BRIP1: variants seen among roughly 807,000 people sequenced by gnomAD.
BRIP1 encodes the protein BRCA1 interacting DNA helicase 1.
Under a neutral mutation model 119.7 loss-of-function variants are expected in BRIP1, and 88 were observed. The ratio of observed to expected loss-of-function variants is 0.74; its 90% CI spans 0.62 to 0.88. The LOEUF is 0.88. Among genes scored for constraint, BRIP1 ranks in the 40% least tolerant of loss-of-function variants. The pLI, the probability that BRIP1 is intolerant of heterozygous loss-of-function variation, is 0.00. For synonymous variants in BRIP1, 443 were observed against 496.5 expected, an observed-to-expected ratio of 0.89 and a Z score of 1.43; for missense variants, 1,259 against 1,455.4, an observed-to-expected ratio of 0.87 and a Z score of 2.20.
rs1448035909 is a variant in BRIP1, at chr17:61,816,880, A to G, written c.628-8123T>C. The stretch of plus-strand genomic sequence containing the variant: ...AAATGATAGAATTTTAAAAATCACC[A>G]TTTTGCAACTTTCCTGTACTAACTG... On this transcript the variant is annotated intron_variant, in intron 6 of 19. Transcript: ENST00000259008. This position sits in a 1 kb window ranked among gnomAD's most constrained non-coding sequence, Gnocchi z 5.0. 6.6e-6 allele frequency among the ~76,000 whole-genome samples: 1 copy of G among 152,212 alleles called. No individual in the cohort carries two copies. Among genetic ancestry groups the G allele is most frequent in the Non-Finnish European group, 1.5e-5 (1 of 68,034 alleles).
chr17:61,723,577 T>C (rs1026230833), intron 16 of BRIP1, among the ~76,000 whole-genome samples: 1 of 152,230 alleles, frequency 6.6e-6, no homozygotes, highest in Non-Finnish European at 1.5e-5. Flanking sequence ...TAACTGTGAA[T>C]GTTTTTTCTA....
rs1341366393 is a variant in BRIP1, at chr17:61,759,969, C to T, written c.2098-15378G>A. On this transcript the variant is annotated intron_variant, in intron 14 of 19. Transcript: ENST00000259008. The surrounding 1 kb of genome is among the most constrained non-coding windows in gnomAD (Gnocchi z 4.9). ...TAAGGTATTCCTGTACAGAATATCC[C>T]ATTCAAGAGCAACAGAATACACATT... 6.6e-6 allele frequency among the ~76,000 whole-genome samples: 1 copy of T among 151,536 alleles called. No individual in the cohort carries two copies. Among genetic ancestry groups the T allele is most frequent in the African/African-American group, 2.4e-5 (1 of 41,294 alleles).
chr17:61,735,868 G>T lies in BRIP1; in HGVS notation c.2379+7145C>A, dbSNP rs183689472. Among the ~76,000 whole-genome samples, 570 of 152,132 alleles carry T rather than the reference G, an allele frequency of 3.7e-3. 3 individuals carry two copies. The highest frequency in any genetic ancestry group is 0.014 in the Middle Eastern group (4 of 294). Reference sequence around the variant, plus strand: ...GAACCTCAGTCCTACAACCACAAACGGACCCCAAGTGCCAGATAACAACAC... The same window carrying T: ...GAACCTCAGTCCTACAACCACAAACTGACCCCAAGTGCCAGATAACAACAC... On this transcript the variant is annotated intron_variant, in intron 16 of 19. Transcript: ENST00000259008. This position sits in a 1 kb window ranked among gnomAD's most constrained non-coding sequence, Gnocchi z 4.4.
At position 61,693,501 on chromosome 17, in the gene BRIP1, T is replaced by G; in HGVS notation, c.2504A>C (p.His835Pro). 6.2e-7 allele frequency: 1 copy of G among 1,612,486 alleles called. No homozygotes were observed. Among genetic ancestry groups the G allele is most frequent in the South Asian group, 1.1e-5 (1 of 91,042 alleles). The change falls in exon 18 of 20, where the codon CAC (histidine) becomes CCC (proline). Residue 835 changes from histidine to proline, a missense_variant. Physicochemically the swap from His to Pro is moderately conservative, Grantham distance 77. Coordinates refer to ENST00000259008, the MANE Select transcript of BRIP1 (RefSeq NM_032043.3). The surrounding 1 kb of genome is among the most constrained non-coding windows in gnomAD (Gnocchi z 4.2). ...AATAAGAGCTCCCCAATCATTTCTG[T>G]GTCTAATACATCTAGAAAAAATAGG... ...LNQALGRCIR[H>P]RNDWGALILV...
At chr17:61,821,838 G>A (rs12601269) in intron 6 of BRIP1, among the ~76,000 whole-genome samples, 21,440 of 151,998 alleles carry the variant, frequency 0.14, 2,079 homozygotes, top group East Asian at 0.57. Flanking sequence ...TGATCCTTCC[G>A]TCTCAGCCTC....
In BRIP1 at chr17:61,843,012, G is replaced by A. The variant is rs944148895; in HGVS notation, c.627+4089C>T. Among the ~76,000 whole-genome samples, 4 of 152,194 alleles carry A rather than the reference G, an allele frequency of 2.6e-5. No individual in the cohort carries two copies. On this transcript the variant is annotated intron_variant, in intron 6 of 19. Coordinates refer to ENST00000259008, the MANE Select transcript of BRIP1 (RefSeq NM_032043.3). This position sits in a 1 kb window ranked among gnomAD's most constrained non-coding sequence, Gnocchi z 5.7. ...AATAAAGAAAATGTGGTGTGTATGT[G>A]TATGTCAATGGAATATTAGCCCTAA...
rs1603295339 is a variant in BRIP1 at position 61,720,738 on chromosome 17, G to C, written c.2380-4675C>G. On this transcript the variant is annotated intron_variant, in intron 16 of 19. Transcript: ENST00000259008. The surrounding 1 kb of genome is among the most constrained non-coding windows in gnomAD (Gnocchi z 4.3). ...TCTAATCGAGTGTCATGGTATTGCA[G>C]TGCTTAGGTTCAAGTGACCTCTATT... 6.6e-6 allele frequency among the ~76,000 whole-genome samples: 1 copy of C among 152,156 alleles called. No homozygotes were observed. Among genetic ancestry groups the C allele is most frequent in the East Asian group, 1.9e-4 (1 of 5,196 alleles).
chr17:61,711,076 A>T (rs1458607310), intron 17 of BRIP1, among the ~76,000 whole-genome samples: 1 of 151,970 alleles, frequency 6.6e-6, no homozygotes, highest in East Asian at 1.9e-4. Flanking sequence ...CAAACAAACA[A>T]ACAAAAACAA....
At chr17:61,718,833 G>A (rs1033993110) in intron 16 of BRIP1, among the ~76,000 whole-genome samples, 1 of 152,176 alleles carries the variant, frequency 6.6e-6, no homozygotes, top group African/African-American at 2.4e-5. Flanking sequence ...ATCCATGGAT[G>A]CTCAAGTACT....
rs534276943 is a variant in BRIP1, at chr17:61,774,029, G to A, written c.2097+2372C>T. ...CAACCATTGTGGAAGACAGTGTGGC[G>A]ATTCCTCAAGGATCTAAAACTAGAA... On this transcript the variant is annotated intron_variant, in intron 14 of 19. Coordinates refer to ENST00000259008, the MANE Select transcript of BRIP1 (RefSeq NM_032043.3). The surrounding 1 kb of genome is among the most constrained non-coding windows in gnomAD (Gnocchi z 5.8). Among the ~76,000 whole-genome samples, 93 of 152,068 alleles carry A rather than the reference G, an allele frequency of 6.1e-4. No individual in the cohort carries two copies. The highest frequency in any genetic ancestry group is 1.9e-3 in the Admixed American group (29 of 15,262).
intron 16 of BRIP1, 132 bp from the exon 17 acceptor site, chr17:61,716,195 T>A (rs1291575375): frequency 1.7e-6 from 1 of 599,430 alleles, no homozygotes; most frequent in Admixed American, 3.3e-5. Flanking sequence ...CAGTACTGAT[T>A]TTTTTCGTTT....
chr17:61,830,748 G>T (rs1270449747), intron 6 of BRIP1, among the ~76,000 whole-genome samples: 4 of 152,156 alleles, frequency 2.6e-5, no homozygotes, highest in Non-Finnish European at 5.9e-5. Context: ...TAAGGAAGAA[G>T]TAATATCAAT....
rs753544996 is a variant in BRIP1 at position 61,808,789 on chromosome 17, T to C, written c.628-32A>G. The C allele has an allele frequency of 5.6e-6, 9 of 1,597,832 alleles. No homozygotes were observed. Among genetic ancestry groups the C allele is most frequent in the Admixed American group, 3.3e-5 (2 of 59,910 alleles). ...GAAAGGAAAGAAACGATAACTAATA[T>C]CTAAACTACCATAAAAAACGTTATC... On this transcript the variant is annotated intron_variant, in intron 6 of 19. Coordinates refer to ENST00000259008, the MANE Select transcript of BRIP1 (RefSeq NM_032043.3). The surrounding 1 kb of genome is among the most constrained non-coding windows in gnomAD (Gnocchi z 4.1).
intron 16 of BRIP1, among the ~76,000 whole-genome samples, chr17:61,737,582 T>C (rs951106264): frequency 1.3e-5 from 2 of 152,218 alleles, no homozygotes. Context: ...TTATATTCCA[T>C]AGAGGCATAC....
rs1013390387 is a variant in BRIP1, at chr17:61,775,244, A to T, written c.2097+1157T>A. ...TGTTTTCCATTAAGAATTTTAAAAA[A>T]TGTTTATGTCCGTTTTATTTTTAGA... On this transcript the variant is annotated intron_variant, in intron 14 of 19. Transcript: ENST00000259008. The surrounding 1 kb of genome is among the most constrained non-coding windows in gnomAD (Gnocchi z 4.4). Among the ~76,000 whole-genome samples, 1 of 152,218 alleles carries T rather than the reference A, an allele frequency of 6.6e-6. No individual in the cohort carries two copies. The highest frequency in any genetic ancestry group is 1.5e-5 in the Non-Finnish European group (1 of 68,022).
In BRIP1 at chr17:61,724,772, T is replaced by C. The variant is rs1340750867; in HGVS notation, c.2380-8709A>G. On this transcript the variant is annotated intron_variant, in intron 16 of 19. Coordinates refer to ENST00000259008, the MANE Select transcript of BRIP1 (RefSeq NM_032043.3). The surrounding 1 kb of genome is among the most constrained non-coding windows in gnomAD (Gnocchi z 5.1). ...AGGACAAATAATCAGCTAAACTACATAATTATAAAAATATTAAGAAAACTC... is the reference window on the plus strand; with the variant it reads ...AGGACAAATAATCAGCTAAACTACACAATTATAAAAATATTAAGAAAACTC... 2.0e-5 allele frequency among the ~76,000 whole-genome samples: 3 copies of C among 152,162 alleles called. No individual in the cohort carries two copies. The highest frequency in any genetic ancestry group is 7.2e-5 in the African/African-American group (3 of 41,462).
Position 61,758,596 on chromosome 17 carries a change from C to G in BRIP1, c.2098-14005G>C, listed in dbSNP as rs1353826242. Among the ~76,000 whole-genome samples the G allele has an allele frequency of 6.6e-6, 1 of 152,004 alleles. No individual in the cohort carries two copies. Among genetic ancestry groups the G allele is most frequent in the Non-Finnish European group, 1.5e-5 (1 of 68,020 alleles). On this transcript the variant is annotated intron_variant, in intron 14 of 19. Coordinates refer to ENST00000259008, the MANE Select transcript of BRIP1 (RefSeq NM_032043.3). The surrounding 1 kb of genome is among the most constrained non-coding windows in gnomAD (Gnocchi z 5.3). ...GCAGTGCATAACAAACATAGAAAGG[C>G]CTCAAGGCATACCACTACAGGAAAC... is the stretch of plus-strand genomic sequence containing the variant.
At position 61,743,951 on chromosome 17, in the gene BRIP1, C is replaced by T. The variant is rs1341032420; in HGVS notation, c.2257+481G>A. Among the ~76,000 whole-genome samples, 1 of 152,094 alleles carries T rather than the reference C, an allele frequency of 6.6e-6. No homozygotes were observed. On this transcript the variant is annotated intron_variant, in intron 15 of 19. Coordinates refer to ENST00000259008, the MANE Select transcript of BRIP1 (RefSeq NM_032043.3). This position sits in a 1 kb window ranked among gnomAD's most constrained non-coding sequence, Gnocchi z 4.3. Reference sequence around the variant, plus strand: ...ATCCACCCGCCTCAGCCTCCCAAAGCGCTAGGATTACAGGCAAGAGCCACC... The same window carrying T: ...ATCCACCCGCCTCAGCCTCCCAAAGTGCTAGGATTACAGGCAAGAGCCACC...
rs570417921 is a variant in BRIP1 at position 61,831,988 on chromosome 17, C to T, written c.627+15113G>A. 3.9e-5 allele frequency among the ~76,000 whole-genome samples: 6 copies of T among 152,046 alleles called. No homozygotes were observed. Among genetic ancestry groups the T allele is most frequent in the Non-Finnish European group, 7.4e-5 (5 of 68,018 alleles). On this transcript the variant is annotated intron_variant, in intron 6 of 19. Coordinates refer to ENST00000259008, the MANE Select transcript of BRIP1 (RefSeq NM_032043.3). The surrounding 1 kb of genome is among the most constrained non-coding windows in gnomAD (Gnocchi z 4.1). ...TGAGTCTGGGTTTGTGTACACAATA[C>T]ATTGTGTATATTCTCTAGCTGTCTG...
Sources: gnomAD v4.1 joint callset for allele counts (sites outside exome capture counted in the v4.1 genomes callset) on GRCh38, gnomAD v4.1.1 for gene constraint, Gnocchi (gnomAD v3.1) non-coding constraint, MANE v1.5 for transcripts, NCBI Gene and HGNC (gene_info 2026-07-23, HGNC 2026-07-21) for gene names.